ZEB1: variants seen among roughly 807,000 people sequenced by gnomAD.
ZEB1 encodes the protein zinc finger E-box binding homeobox 1, also known as zinc finger E-box-binding homeobox 1.
Under a neutral mutation model 84.9 loss-of-function variants are expected in ZEB1, and 21 were observed. The ratio of observed to expected loss-of-function variants is 0.25; its 90% confidence interval spans 0.18 to 0.36. The LOEUF (loss-of-function observed/expected upper bound fraction) is 0.36. Among genes scored for constraint, ZEB1 ranks in the 10% least tolerant of loss-of-function variants. The probability of loss-of-function intolerance (pLI) is 1.00; values close to 1 mark genes in which losing one functional copy is unlikely to be tolerated. For synonymous variants in ZEB1, 420 were observed against 471.1 expected, an observed-to-expected ratio of 0.89 and a Z score of 1.41; for missense variants, 1,104 against 1,330.2, an observed-to-expected ratio of 0.83 and a Z score of 2.65.
intron 1 of ZEB1, among the ~76,000 whole-genome samples, chr10:31,446,623 C>T (rs1231188232): frequency 1.3e-5 from 2 of 151,890 alleles, no homozygotes; most frequent in Admixed American, 6.5e-5. Context: ...TCTTTGTTCT[C>T]GTTGGTTTCA....
rs878907237 is a variant in ZEB1, at chr10:31,369,725, G to T, written c.58+50433G>T. ...CCTTTGGCTATATAACCAGAAGTGG[G>T]ATCACTAGATCATACAGTAGTTCTA... On this transcript the variant is annotated intron_variant, in intron 1 of 8. Coordinates refer to ENST00000424869, the MANE Select transcript of ZEB1 (RefSeq NM_001174096.2). 3.3e-5 allele frequency among the ~76,000 whole-genome samples: 5 copies of T among 152,220 alleles called. No individual in the cohort carries two copies. In the East Asian group the frequency reaches 7.7e-4, roughly 23 times the overall value.
chr10:31,363,368 G>A (rs1026486828), intron 1 of ZEB1: 42 of 1,534,214 alleles, frequency 2.7e-5, no homozygotes, highest in Non-Finnish European at 3.4e-5. Flanking sequence ...CTCACTGCAT[G>A]CACCTGGGCC....
chr10:31,524,800 G>A (rs147457690), intron 8 of ZEB1, among the ~76,000 whole-genome samples: 376 of 152,262 alleles, frequency 2.5e-3, no homozygotes, highest in Non-Finnish European at 3.9e-3. Context: ...CTTCATAAAA[G>A]AAAAAGCTGC....
intron 1 of ZEB1, among the ~76,000 whole-genome samples, chr10:31,333,732 T>G (rs1419372945): frequency 6.6e-6 from 1 of 152,058 alleles, no homozygotes; most frequent in African/African-American, 2.4e-5. Flanking sequence ...ACAGTGCATA[T>G]GAGTTGAAAA....
intron 1 of ZEB1, among the ~76,000 whole-genome samples, chr10:31,406,579 A>G (rs1267005684): frequency 6.6e-6 from 1 of 151,532 alleles, no homozygotes; most frequent in Non-Finnish European, 1.5e-5. Context: ...TTCCTTGTAG[A>G]TTCTGGATAT....
chr10:31,431,045 G>T (rs948519947), intron 1 of ZEB1, among the ~76,000 whole-genome samples: 35 of 152,008 alleles, frequency 2.3e-4, no homozygotes, highest in African/African-American at 8.2e-4. Context: ...TCATGTTTCT[G>T]GTTTTTTCAC....
At chr10:31,463,200 G>T (rs1340975015) in intron 2 of ZEB1, among the ~76,000 whole-genome samples, 1 of 152,016 alleles carries the variant, frequency 6.6e-6, no homozygotes, top group Admixed American at 6.6e-5. Flanking sequence ...GGGGCAATAA[G>T]AATAAGGTAG....
chr10:31,485,168 T>C (rs563801475), intron 2 of ZEB1, among the ~76,000 whole-genome samples: 5 of 152,080 alleles, frequency 3.3e-5, no homozygotes, highest in Admixed American at 2.6e-4. Flanking sequence ...TCAGACAAGA[T>C]GATCTTCAAA....
chr10:31,321,890 A>G (rs2034169246), intron 1 of ZEB1: 2 of 282,150 alleles, frequency 7.1e-6, no homozygotes, highest in Non-Finnish European at 1.4e-5. Flanking sequence ...TCCTGCATGT[A>G]TGTCAGCCCC....
At chr10:31,449,866 A>G (rs951337665) in intron 1 of ZEB1, among the ~76,000 whole-genome samples, 3 of 152,208 alleles carry the variant, frequency 2.0e-5, no homozygotes, top group African/African-American at 7.2e-5. Flanking sequence ...TGTTTTGCAT[A>G]TATACCTATT....
chr10:31,506,356 AG>A (rs200964989), intron 4 of ZEB1, among the ~76,000 whole-genome samples: 2,028 of 152,168 alleles, frequency 0.013, 21 homozygotes, highest in Non-Finnish European at 0.019. Context: ...TAATGCTGAT[AG>A]GGGTGTTGAA....
intron 3 of ZEB1, 92 bp downstream of exon 3, chr10:31,495,930 G>T (rs527403147): frequency 3.7e-6 from 5 of 1,347,468 alleles, no homozygotes; most frequent in Non-Finnish European, 5.3e-6. Context: ...AATTTAGTCC[G>T]TTTCCTTCTC....
Position 31,461,125 on chromosome 10 carries a change from T to C in ZEB1, c.147T>C (p.Asp49=), listed in dbSNP as rs2061758404. ...TTGTGGAAGAAGAAAGTGTTACAGA[T>C]GCAGCTGACTGTGAAGGTGTACCAG... is the stretch of plus-strand genomic sequence containing the variant. The part of the protein sequence containing the change: ...LHIVEEESVT[D]AADCEGVPED... The change falls in exon 2 of 9, where the codon GAT becomes GAC. Residue 49 remains aspartate (D), a synonymous_variant. Coordinates refer to ENST00000424869, the MANE Select transcript of ZEB1 (RefSeq NM_001174096.2). The C allele has an allele frequency of 1.1e-5, 18 of 1,613,494 alleles. No homozygotes were observed. Among genetic ancestry groups the C allele is most frequent in the Non-Finnish European group, 1.4e-5 (17 of 1,179,742 alleles).
intron 1 of ZEB1, among the ~76,000 whole-genome samples, chr10:31,423,373 A>C (rs555066959): frequency 1.1e-4 from 16 of 152,268 alleles, no homozygotes; most frequent in Admixed American, 8.5e-4. Flanking sequence ...TGTGTGCAGT[A>C]AATGTTTTTA....
At chr10:31,485,812 C>T (rs568767048) in intron 2 of ZEB1, among the ~76,000 whole-genome samples, 6 of 151,782 alleles carry the variant, frequency 4.0e-5, no homozygotes, top group Admixed American at 3.3e-4. Flanking sequence ...TAAGTGTATT[C>T]ATGTAGCAAC....
At chr10:31,349,593 T>C (rs2040953348) in intron 1 of ZEB1, among the ~76,000 whole-genome samples, 1 of 152,142 alleles carries the variant, frequency 6.6e-6, no homozygotes, top group Non-Finnish European at 1.5e-5. Flanking sequence ...TTCTGTTTCA[T>C]CTTTTTGATA....
intron 1 of ZEB1, among the ~76,000 whole-genome samples, chr10:31,394,864 G>A (rs1310695678): frequency 6.6e-6 from 1 of 152,188 alleles, no homozygotes; most frequent in African/African-American, 2.4e-5. Context: ...TTGAGCTAGT[G>A]TGGTGACAAT....
At chr10:31,456,749 ACTT>A (rs1472704607) in intron 1 of ZEB1, among the ~76,000 whole-genome samples, 1 of 152,104 alleles carries the variant, frequency 6.6e-6, no homozygotes, top group African/African-American at 2.4e-5. Flanking sequence ...AATAATACCT[ACTT>A]CTTAGGAGCT....
chr10:31,389,225 A>G (rs2049180454), intron 1 of ZEB1, among the ~76,000 whole-genome samples: 1 of 152,082 alleles, frequency 6.6e-6, no homozygotes, highest in South Asian at 2.1e-4. Flanking sequence ...GGAGGTGACA[A>G]AATCAACTGT....
Sources: gnomAD v4.1 joint callset for allele counts (sites outside exome capture counted in the v4.1 genomes callset) on GRCh38, gnomAD v4.1.1 for gene constraint, MANE v1.5 for transcripts, NCBI Gene and HGNC (gene_info 2026-07-23, HGNC 2026-07-21) for gene names.